FGD3: variants seen among roughly 807,000 people sequenced by gnomAD.
FGD3 encodes FYVE, RhoGEF and PH domain-containing protein 3.
A neutral mutation model predicts 71.8 loss-of-function variants in FGD3; 45 were observed. The observed-to-expected ratio is 0.63, with a 90% confidence interval of 0.49 to 0.80. The LOEUF (loss-of-function observed/expected upper bound fraction) is 0.80, where lower values mean the gene tolerates loss of function less well. Ranked by LOEUF, FGD3 falls within the 30% of genes least tolerant of loss-of-function variation. The pLI is 0.00. For missense variants in FGD3, 844 were observed against 951.5 expected (o/e 0.89, Z 1.49); for synonymous variants, 378 against 392.8 (o/e 0.96, Z 0.44).
At chr9:92,952,576 C>A (rs190562092) in intron 1 of FGD3, among the ~76,000 whole-genome samples, 1 of 152,126 alleles carries the variant, frequency 6.6e-6, no homozygotes, top group African/African-American at 2.4e-5. Context: ...CCCCCCCATC[C>A]CATCCTCTAC....
At chr9:92,997,844 A>G (rs191797774) in intron 3 of FGD3, among the ~76,000 whole-genome samples, 1 of 152,190 alleles carries the variant, frequency 6.6e-6, no homozygotes, top group South Asian at 2.1e-4. Context: ...ATCCACTGTT[A>G]GTCTGATGGG....
intron 1 of FGD3, among the ~76,000 whole-genome samples, chr9:92,956,833 TC>T (rs1859059612): frequency 7.4e-6 from 1 of 135,550 alleles, no homozygotes; most frequent in Admixed American, 7.3e-5. Context: ...ATAATTGCTT[TC>T]TTTCTTTTTT....
At chr9:93,011,877 G>A (rs569315285) in intron 8 of FGD3, among the ~76,000 whole-genome samples, 8 of 129,354 alleles carry the variant, frequency 6.2e-5, no homozygotes, top group Admixed American at 1.6e-4. Flanking sequence ...AATCACTCTA[G>A]GCCAGGCGCG....
intron 3 of FGD3, among the ~76,000 whole-genome samples, chr9:92,987,419 G>A (rs549092341): frequency 1.4e-5 from 2 of 141,756 alleles, no homozygotes; most frequent in South Asian, 2.3e-4. Context: ...ACGACAGAGC[G>A]AGACTCTGTC....
intron 15 of FGD3, chr9:93,032,548 G>A: frequency 1.8e-6 from 1 of 561,508 alleles, no homozygotes; most frequent in Non-Finnish European, 3.2e-6. Context: ...GACCCTCCAG[G>A]ACAGAAGGGT....
intron 3 of FGD3, among the ~76,000 whole-genome samples, chr9:92,981,946 A>G (rs1040931834): frequency 2.6e-5 from 4 of 152,200 alleles, no homozygotes; most frequent in African/African-American, 9.7e-5. Flanking sequence ...GGCAATTAAC[A>G]TAGCCATCAT....
intron 3 of FGD3, among the ~76,000 whole-genome samples, chr9:92,977,510 C>T (rs948918769): frequency 5.9e-5 from 9 of 151,908 alleles, no homozygotes; most frequent in African/African-American, 1.2e-4. Context: ...CATCGGGAGA[C>T]GGGCTGGGCA....
At chr9:92,962,535 G>T (rs796910167) in intron 1 of FGD3, among the ~76,000 whole-genome samples, 5 of 152,326 alleles carry the variant, frequency 3.3e-5, no homozygotes, top group African/African-American at 1.2e-4. Flanking sequence ...GATGTTGGTG[G>T]CTGGGATCCC....
In FGD3 at chr9:93,022,358, T is replaced by C. The variant is rs367900629; in HGVS notation, c.1526T>C (p.Val509Ala). 1.9e-6 allele frequency: 3 copies of C among 1,612,664 alleles called. No homozygotes were observed. The highest frequency in any genetic ancestry group is 2.5e-6 in the Non-Finnish European group (3 of 1,179,486). Residue 509 changes from valine (V) to alanine (A), a missense_variant, in exon 14 of 18, where the codon GTG (valine) becomes GCG (alanine). Coordinates refer to ENST00000375482, the MANE Select transcript of FGD3 (RefSeq NM_001083536.2). ...AGCACCAGCCCTGTGGAGCCTGTGG[T>C]GACCACCGAAGGCAGTTCGGGTGCA... ...ITSTSPVEPV[V>A]TTEGSSGAAG... is the part of the protein sequence containing the mutation.
At chr9:92,974,988 C>G (rs866763578) in intron 1 of FGD3, among the ~76,000 whole-genome samples, 6 of 152,192 alleles carry the variant, frequency 3.9e-5, no homozygotes, top group African/African-American at 1.4e-4. Flanking sequence ...AGTTTCCAGC[C>G]GAGCAAGACA....
intron 1 of FGD3, among the ~76,000 whole-genome samples, chr9:92,957,974 C>T (rs757893690): frequency 1.5e-4 from 22 of 150,656 alleles, no homozygotes; most frequent in Non-Finnish European, 2.2e-4. Flanking sequence ...TGCACCCGGC[C>T]GCCTTTGAAA....
rs747941055 is a variant in FGD3, at chr9:93,015,740, A to G, written c.1186A>G (p.Asn396Asp). Residue 396 changes from asparagine (N) to aspartate (D), a missense_variant, in exon 10 of 18, where the codon AAC becomes GAC. Asn to Asp is a conservative substitution (Grantham distance 23). Transcript: ENST00000375482. ...ACCTGTGCCATCCCTCTTGCAGTTC[A>G]ACAGCATGATCCTTTACTGTGTGCC... ...TPQDRHLFLF[N>D]SMILYCVPKL... The G allele has an allele frequency of 3.7e-6, 6 of 1,614,112 alleles. No individual in the cohort carries two copies. The South Asian group carries it at 6.6e-5, about 18-fold the overall frequency.
At chr9:92,995,387 G>A (rs1587838711) in intron 3 of FGD3, among the ~76,000 whole-genome samples, 1 of 152,196 alleles carries the variant, frequency 6.6e-6, no homozygotes, top group Non-Finnish European at 1.5e-5. Context: ...GAGATGATGG[G>A]GTTTTCTAAA....
chr9:93,021,375 C>T (rs1861912375), intron 13 of FGD3, among the ~76,000 whole-genome samples: 1 of 152,098 alleles, frequency 6.6e-6, no homozygotes, highest in African/African-American at 2.4e-5. Context: ...GGGCTGCAGC[C>T]CCAGGGCCAA....
intron 1 of FGD3, among the ~76,000 whole-genome samples, chr9:92,973,170 A>AGTT (rs912105459): frequency 3.2e-5 from 4 of 126,506 alleles, no homozygotes; most frequent in Admixed American, 2.0e-4. Context: ...GCTGGAGTGC[A>AGTT]GTTGTGCAAT....
In FGD3 at chr9:93,012,687, C is replaced by CCG. The variant is rs1554736567; in HGVS notation, c.1036-1165_1036-1164insCG. Among the ~76,000 whole-genome samples, 178 of 58,952 alleles carry CCG rather than the reference C, an allele frequency of 3.0e-3. 2 individuals are homozygous for CCG. The highest frequency in any genetic ancestry group is 9.0e-3 in the African/African-American group (78 of 8,662). 38.7% of individuals were successfully genotyped at this position (58,952 alleles called of 152,430 possible). A position where few individuals can be genotyped will look rare whatever the true frequency, so the allele number is the denominator to read the frequency against. On this transcript the variant is annotated intron_variant, in intron 8 of 17. Transcript: ENST00000375482. ...GTGAGCCACCAGGTGTGGGCGGTGG[C>CCG]GGGGTGTGGGGGGGGGAAGAATCAA...
At chr9:92,956,834 C>CTTTTTTTTTTTTTTTTT (rs34469364) in intron 1 of FGD3, among the ~76,000 whole-genome samples, 2 of 127,748 alleles carry the variant, frequency 1.6e-5, no homozygotes, top group Non-Finnish European at 1.6e-5. Flanking sequence ...TAATTGCTTT[C>CTTTTTTTTTTTTTTTTT]TTTCTTTTTT....
rs936997787 is a variant in FGD3, at chr9:92,966,664, G to A, written c.-217-8574G>A. ...GGGTGCCAGTCTTCTGAGGAGCAGC[G>A]GTGGCTGTGCATGTGGACCAAGGAA... On this transcript the variant is annotated intron_variant, in intron 1 of 17. Transcript: ENST00000375482. Among the ~76,000 whole-genome samples, 15 of 152,276 alleles carry A rather than the reference G, an allele frequency of 9.9e-5. No homozygotes were observed. The South Asian group carries it at 1.2e-3, about 13-fold the overall frequency.
chr9:93,028,995 G>GTTTTTTTTTTTTTTTTTTTTTTTTT (rs869235976), intron 14 of FGD3, among the ~76,000 whole-genome samples: 1 of 51,754 alleles, frequency 1.9e-5, no homozygotes, highest in Non-Finnish European at 3.7e-5. Context: ...TGTCCTCACA[G>GTTTTTTTTTTTTTTTTTTTTTTTTT]TTTTTTTTTT....
Sources: gnomAD v4.1 joint callset for allele counts (sites outside exome capture counted in the v4.1 genomes callset) on GRCh38, gnomAD v4.1.1 for gene constraint, MANE v1.5 for transcripts, NCBI Gene and HGNC (gene_info 2026-07-23, HGNC 2026-07-21) for gene names.